Variants in FCRL1 observed in about 807,000 individuals in gnomAD.
FCRL1 encodes Fc receptor like 1.
In FCRL1, 34 loss-of-function variants were observed where a neutral mutation model predicts 49.2. That is an observed-to-expected ratio of 0.69 (90% confidence interval 0.53 to 0.92). The LOEUF (loss-of-function observed/expected upper bound fraction) is 0.92. Among genes scored for constraint, FCRL1 ranks in the 40% least tolerant of loss-of-function variants. The pLI, the probability that FCRL1 is intolerant of heterozygous loss-of-function variation, is 0.00. For missense variants in FCRL1, 524 were observed against 524.1 expected (o/e 1.00, Z 0.00); for synonymous variants, 218 against 201.6 (o/e 1.08, Z -0.69).
chr1:157,806,096 A>G (rs940244460), intron 2 of FCRL1, among the ~76,000 whole-genome samples: 23 of 152,222 alleles, frequency 1.5e-4, no homozygotes, highest in Admixed American at 6.5e-5. Context: ...TGGTTTCTTC[A>G]TCTTTGATAT....
Position 157,803,949 on chromosome 1 carries a change from T to C in FCRL1, c.215A>G (p.Gln72Arg). The change falls in exon 3 of 11, where the codon CAG becomes CGG. Residue 72 changes from glutamine to arginine, a missense_variant. Gln to Arg is a conservative substitution (Grantham distance 43). Coordinates refer to ENST00000368176, the MANE Select transcript of FCRL1 (RefSeq NM_052938.5). ...GTCTTCTTTCCACATGGCAGCGATC[T>C]GGAGCTTGGGGGAGCTGCTCCAGCC... ...GPGWSSSPKLQIAAMWKEDTG... is the reference protein window; with the variant it reads ...GPGWSSSPKLRIAAMWKEDTG... 6.2e-7 allele frequency: 1 copy of C among 1,614,216 alleles called. No homozygotes were observed. The highest frequency in any genetic ancestry group is 1.1e-5 in the South Asian group (1 of 91,088).
rs777950829 is a variant in FCRL1 at position 157,798,295 on chromosome 1, G to A, written c.1032-52C>T. The A allele has an allele frequency of 2.1e-6, 3 of 1,431,788 alleles. No homozygotes were observed. In the East Asian group the frequency reaches 6.8e-5, roughly 33 times the overall value. The allele number at this position is 1,431,788 out of a possible 1,614,324, so 88.7% of individuals were successfully genotyped here. A position where few individuals can be genotyped will look rare whatever the true frequency, so the allele number is the denominator to read the frequency against. On this transcript the variant is annotated intron_variant, in intron 7 of 10. Coordinates refer to ENST00000368176, the MANE Select transcript of FCRL1 (RefSeq NM_052938.5). ...TATCTGAAATTGCATCCCAGATCAT[G>A]CAGATATCACACTGAAGGAGAGAAG...
intron 1 of FCRL1, among the ~76,000 whole-genome samples, chr1:157,811,027 C>T (rs534311250): frequency 8.5e-5 from 13 of 152,200 alleles, no homozygotes; most frequent in Admixed American, 2.6e-4. Flanking sequence ...GCGATCCTCC[C>T]GCCTCAACCT....
rs776530595 is a variant in FCRL1, at chr1:157,797,887, C to T, written c.1167G>A (p.Pro389=). ...TCTCACCTGCTACTGATTCCTGCTCCGGCTGGTTATAGTACGCCAGTGAAT... is the reference window on the plus strand; with the variant it reads ...TCTCACCTGCTACTGATTCCTGCTCTGGCTGGTTATAGTACGCCAGTGAAT... The part of the protein sequence containing the change: ...EVYSLAYYNQ[P]EQESVAAETL... Residue 389 remains proline, a synonymous_variant, in exon 9 of 11, where the codon CCG becomes CCA. Transcript: ENST00000368176. 1.3e-5 allele frequency: 21 copies of T among 1,614,028 alleles called. No homozygotes were observed. Among genetic ancestry groups the T allele is most frequent in the East Asian group, 2.2e-5 (1 of 44,896 alleles).
At chr1:157,802,775 A>C in intron 3 of FCRL1, 111 bp from the exon 4 acceptor site, 1 of 1,148,770 alleles carries the variant, frequency 8.7e-7, no homozygotes, top group Non-Finnish European at 1.2e-6. Flanking sequence ...TCAATGATGT[A>C]TATAGCTTAA....
In FCRL1 at chr1:157,802,154, C is replaced by T; in HGVS notation, c.647G>A (p.Arg216Lys). The T allele has an allele frequency of 6.2e-7, 1 of 1,614,100 alleles. No individual in the cohort carries two copies. Among genetic ancestry groups the T allele is most frequent in the Non-Finnish European group, 8.5e-7 (1 of 1,179,964 alleles). The change falls in exon 5 of 11, where the codon AGG (arginine) becomes AAG (lysine). Residue 216 changes from arginine (R) to lysine (K), a missense_variant. Arg to Lys is a conservative substitution (Grantham distance 26). Transcript: ENST00000368176. ...SRPILMLRAP[R>K]AQAAVEDVLE... ...CACATCCTCCACTGCAGCCTGGGCC[C>T]TGGGAGCCCTGAGCATGAGGATTGG...
In FCRL1 at chr1:157,798,185, G is replaced by C. The variant is rs150869330; in HGVS notation, c.1090C>G (p.Gln364Glu). ...FTYLNSPTPG[Q>E]LQPIYENVNV... is the part of the protein sequence containing the mutation. ...CCATTTTCATATATAGGCTGTAGCT[G>C]CCCTGGGGTAGGTGAGTTGAGGTAG... is the stretch of plus-strand genomic sequence containing the variant. The change falls in exon 8 of 11, where the codon CAG becomes GAG. Residue 364 changes from glutamine to glutamate, a missense_variant. Gln to Glu is a conservative substitution (Grantham distance 29). Coordinates refer to ENST00000368176, the MANE Select transcript of FCRL1 (RefSeq NM_052938.5). The C allele has an allele frequency of 8.7e-6, 14 of 1,613,220 alleles. No individual in the cohort carries two copies. The highest frequency in any genetic ancestry group is 1.2e-5 in the Non-Finnish European group (14 of 1,179,566).
At chr1:157,819,048 A>G (rs1655439084) in intron 1 of FCRL1, among the ~76,000 whole-genome samples, 1 of 152,172 alleles carries the variant, frequency 6.6e-6, no homozygotes, top group Non-Finnish European at 1.5e-5. Flanking sequence ...AGAGGTGAGT[A>G]GGTCAACAGC....
intron 9 of FCRL1, 86 bp from the exon 10 acceptor site, chr1:157,797,218 C>A: frequency 8.3e-7 from 1 of 1,212,120 alleles, no homozygotes; most frequent in South Asian, 1.2e-5. Context: ...TTCTTCCTCT[C>A]CCATCTATTT....
At chr1:157,802,811 C>T in intron 3 of FCRL1, 147 bp from the exon 4 acceptor site, 1 of 764,882 alleles carries the variant, frequency 1.3e-6, no homozygotes, top group East Asian at 2.7e-5. Flanking sequence ...GAGGGGTCTG[C>T]TGATTGGTTG....
rs1280900986 is a variant in FCRL1, at chr1:157,804,001, A to G, written c.163T>C (p.Phe55Leu). 1.2e-6 allele frequency: 2 copies of G among 1,614,188 alleles called. No homozygotes were observed. The highest frequency in any genetic ancestry group is 1.7e-5 in the Admixed American group (1 of 60,026). The change falls in exon 3 of 11, where the codon TTC becomes CTC. Residue 55 changes from phenylalanine to leucine, a missense_variant. Transcript: ENST00000368176. ...GGGCCCAAGGCCCGGGTGTCTCTGA[A>G]AAAGCAGAACTGGAACTGGGCATCT... ...SSDAQFQFCF[F>L]RDTRALGPGW...
chr1:157,804,226 A>T, intron 2 of FCRL1, 115 bp from the exon 3 acceptor site: 1 of 1,288,470 alleles, frequency 7.8e-7, no homozygotes, highest in Non-Finnish European at 1.1e-6. Flanking sequence ...TTGGACACAC[A>T]GGCCACCCTA....
chr1:157,806,126 G>A (rs994544757), intron 2 of FCRL1, among the ~76,000 whole-genome samples: 3 of 152,210 alleles, frequency 2.0e-5, no homozygotes, highest in Non-Finnish European at 2.9e-5. Context: ...TTTCTGCTTA[G>A]GCTGAGATTG....
At chr1:157,799,057 G>A (rs939186022) in intron 7 of FCRL1, among the ~76,000 whole-genome samples, 1 of 152,140 alleles carries the variant, frequency 6.6e-6, no homozygotes, top group Non-Finnish European at 1.5e-5. Context: ...CTTAAGTGCA[G>A]TGGTGCCATC....
intron 7 of FCRL1, among the ~76,000 whole-genome samples, chr1:157,799,167 A>G (rs1181966823): frequency 6.6e-6 from 1 of 151,918 alleles, no homozygotes; most frequent in Non-Finnish European, 1.5e-5. Context: ...CGTCCAGCTA[A>G]TTTTTTGTAT....
At chr1:157,809,436 CA>C (rs1653981042) in intron 1 of FCRL1, among the ~76,000 whole-genome samples, 1 of 151,636 alleles carries the variant, frequency 6.6e-6, no homozygotes, top group Non-Finnish European at 1.5e-5. Flanking sequence ...AAAACAAAAA[CA>C]AACAAAAAAA....
At position 157,795,301 on chromosome 1, in the gene FCRL1, G is replaced by A. The variant is rs2101800978; in HGVS notation, c.*798C>T. On this transcript the variant is annotated 3_prime_UTR_variant, in exon 11 of 11. Coordinates refer to ENST00000368176, the MANE Select transcript of FCRL1 (RefSeq NM_052938.5). ...GCCTGAGAGGCAGGCGTTGCAGTGAGGCAAGATTGTGCCACTGCATTCCAG... is the reference window on the plus strand; with the variant it reads ...GCCTGAGAGGCAGGCGTTGCAGTGAAGCAAGATTGTGCCACTGCATTCCAG... The A allele has an allele frequency of 6.6e-6, 1 of 152,234 alleles. No homozygotes were observed. Among genetic ancestry groups the A allele is most frequent in the South Asian group, 2.1e-4 (1 of 4,828 alleles). The allele number at this position is 152,234 out of a possible 1,614,324, so 9.4% of individuals were successfully genotyped here. A position where few individuals can be genotyped will look rare whatever the true frequency, so the allele number is the denominator to read the frequency against.
At chr1:157,801,394 A>T (rs1253713438) in intron 6 of FCRL1, 67 bp downstream of exon 6, 1 of 1,038,592 alleles carries the variant, frequency 9.6e-7, no homozygotes, top group East Asian at 2.4e-5. Context: ...TACATGTCAC[A>T]ATTTCAGCCT....
intron 1 of FCRL1, among the ~76,000 whole-genome samples, chr1:157,811,530 C>T (rs1654315902): frequency 6.6e-6 from 1 of 152,194 alleles, no homozygotes; most frequent in Admixed American, 6.5e-5. Context: ...GCTGGAGAAT[C>T]CTGCAGTTCT....
Sources: allele counts gnomAD v4.1 joint callset (sites outside exome capture counted in the v4.1 genomes callset), GRCh38; gene constraint gnomAD v4.1.1; transcripts MANE v1.5; gene names NCBI Gene and HGNC (gene_info 2026-07-23, HGNC 2026-07-21).